TENM3: variants seen among roughly 807,000 people sequenced by gnomAD.
The protein encoded by TENM3 is teneurin-3.
TENM3 carries 63 observed loss-of-function variants against 255.1 expected under a neutral mutation model. The observed-to-expected ratio is 0.25, with a 90% CI of 0.20 to 0.30. TENM3 has a LOEUF of 0.30. TENM3 is among the 10% of genes least tolerant of loss of function. The pLI is 1.00. For missense variants in TENM3, 2,929 were observed against 3,461.1 expected (o/e 0.85, Z 3.86); for synonymous variants, 1,306 against 1,322.3 (o/e 0.99, Z 0.27).
intron 1 of TENM3, among the ~76,000 whole-genome samples, chr4:182,190,730 A>G (rs1211841986): frequency 6.6e-6 from 1 of 152,160 alleles, no homozygotes; most frequent in Non-Finnish European, 1.5e-5. Context: ...ATTAAGGGCA[A>G]TTTATGATCA....
rs576148530 is a variant in TENM3, at chr4:182,215,682, C to T, written c.-76+70928C>T. Among the ~76,000 whole-genome samples the T allele has an allele frequency of 2.6e-4, 40 of 152,300 alleles. No individual in the cohort carries two copies. In the South Asian group the frequency reaches 8.3e-3, roughly 32 times the overall value. ...CCTAAGGTACAAATGTGGCAACAGG[C>T]TTTTCCTTAAATTCCTGGGGATATT... On this transcript the variant is annotated intron_variant, in intron 1 of 2. Coordinates refer to the TENM3 transcript ENST00000512480.
At chr4:181,487,187 T>A in the TENM3 span, among the ~76,000 whole-genome samples, 1 of 152,042 alleles carries the variant, frequency 6.6e-6, no homozygotes, top group Admixed American at 6.6e-5. Context: ...ATAGAGGGGG[T>A]GTAGCAGAAA....
chr4:182,137,343 CA>C, the TENM3 span, among the ~76,000 whole-genome samples: 2,849 of 144,638 alleles, frequency 0.02, 39 homozygotes, highest in Non-Finnish European at 0.029. Context: ...TCCCCCCCCC[CA>C]AAAAGGAATG....
chr4:181,631,286 GT>G, the TENM3 span, among the ~76,000 whole-genome samples: 1 of 150,142 alleles, frequency 6.7e-6, no homozygotes, highest in African/African-American at 2.5e-5. Flanking sequence ...GAAGGACCCA[GT>G]TCTTTTTTGT....
chr4:182,636,293 A>G (rs1459026672), intron 5 of TENM3, among the ~76,000 whole-genome samples: 1 of 152,202 alleles, frequency 6.6e-6, no homozygotes, highest in Non-Finnish European at 1.5e-5. Context: ...GGAATCCTTA[A>G]GGACATATTT....
intron 4 of TENM3, among the ~76,000 whole-genome samples, chr4:182,609,748 G>A (rs12509159): frequency 0.2 from 30,534 of 152,100 alleles, 3,672 homozygotes; most frequent in Non-Finnish European, 0.27. Context: ...GTGTAACCTT[G>A]GTCAGGGTAA....
At chr4:182,009,438 G>C in the TENM3 span, among the ~76,000 whole-genome samples, 1 of 151,966 alleles carries the variant, frequency 6.6e-6, no homozygotes, top group African/African-American at 2.4e-5. Context: ...TTATTGGAGA[G>C]CCTGCAGATA....
At chr4:182,269,072 T>A (rs1045091922) in intron 1 of TENM3, among the ~76,000 whole-genome samples, 4 of 151,264 alleles carry the variant, frequency 2.6e-5, no homozygotes, top group Admixed American at 6.6e-5. Flanking sequence ...CTTTGCTCTT[T>A]AAAAAAAAAT....
At chr4:182,781,518 T>G (rs112024196) in intron 24 of TENM3, among the ~76,000 whole-genome samples, 5 of 151,854 alleles carry the variant, frequency 3.3e-5, no homozygotes, top group East Asian at 1.9e-4. Flanking sequence ...CTAAAATTCT[T>G]TTTTGTTGTG....
At chr4:182,470,444 C>T (rs1444952794) in intron 3 of TENM3, among the ~76,000 whole-genome samples, 4 of 152,322 alleles carry the variant, frequency 2.6e-5, no homozygotes, top group Admixed American at 6.5e-5. Context: ...GCCAAGAACA[C>T]AGCTCCTTTG....
At chr4:181,821,942 TC>T in the TENM3 span, among the ~76,000 whole-genome samples, 1 of 152,206 alleles carries the variant, frequency 6.6e-6, no homozygotes, top group Admixed American at 6.5e-5. Flanking sequence ...TTGTTTTGGG[TC>T]GAAATGATTT....
chr4:181,849,766 T>A, the TENM3 span, among the ~76,000 whole-genome samples: 4 of 152,156 alleles, frequency 2.6e-5, no homozygotes, highest in African/African-American at 9.7e-5. Flanking sequence ...ATACCCATTA[T>A]GATCTGCTGA....
chr4:182,346,897 C>G lies in TENM3; in HGVS notation c.479C>G (p.Thr160Arg). 1.2e-6 allele frequency: 2 copies of G among 1,611,594 alleles called. No homozygotes were observed. The highest frequency in any genetic ancestry group is 2.2e-5 in the East Asian group (1 of 44,796). Residue 160 changes from threonine (T) to arginine (R), a missense_variant, in exon 3 of 28, where the codon ACG becomes AGG. Physicochemically the swap from Thr to Arg is moderately conservative, Grantham distance 71. This residue lies in a region of TENM3 where 283 missense variants were observed against 256.9 expected (regional missense o/e 1.10). Coordinates refer to ENST00000511685, the MANE Select transcript of TENM3 (RefSeq NM_001080477.4). ...AACTCAGCCCTCACCCTGACAGATA[C>G]GGAGCACGAAAACAAGTCCGACAGT... The part of the protein sequence containing the change: ...RSNSALTLTD[T>R]EHENKSDSEN...
At chr4:182,278,864 G>A (rs1347676464) in intron 1 of TENM3, among the ~76,000 whole-genome samples, 1 of 152,214 alleles carries the variant, frequency 6.6e-6, no homozygotes, top group African/African-American at 2.4e-5. Context: ...AAAACCCTAT[G>A]TCATGCGCTG....
chr4:182,022,585 A>ATT, the TENM3 span, among the ~76,000 whole-genome samples: 1 of 152,110 alleles, frequency 6.6e-6, no homozygotes, highest in East Asian at 1.9e-4. Flanking sequence ...CTTGGTAAAC[A>ATT]CCTAAGTCTA....
chr4:181,650,152 T>A, the TENM3 span, among the ~76,000 whole-genome samples: 899 of 152,314 alleles, frequency 5.9e-3, 12 homozygotes, highest in African/African-American at 0.02. Flanking sequence ...AACTGGCGTA[T>A]CACTCTGGCT....
rs1580305034 is a variant in TENM3, at chr4:182,364,322, C to G, written c.511+17393C>G. Among the ~76,000 whole-genome samples the G allele has an allele frequency of 2.6e-5, 4 of 152,188 alleles. No individual in the cohort carries two copies. The South Asian group carries it at 8.3e-4, about 32-fold the overall frequency. On this transcript the variant is annotated intron_variant, in intron 3 of 27. Transcript: ENST00000511685. ...GCAGATGGATAATAAACACTAGTTT[C>G]TCTTTTAGGATTTACACTTTTATTC...
chr4:181,647,453 T>A, the TENM3 span, among the ~76,000 whole-genome samples: 1 of 151,954 alleles, frequency 6.6e-6, no homozygotes, highest in Non-Finnish European at 1.5e-5. Flanking sequence ...TTAGACCATA[T>A]TAATTAAGAA....
intron 7 of TENM3, among the ~76,000 whole-genome samples, chr4:182,674,544 TTTTG>T (rs745603073): frequency 2.0e-5 from 3 of 152,146 alleles, no homozygotes; most frequent in Non-Finnish European, 2.9e-5. Flanking sequence ...AATTTTATAT[TTTTG>T]TTTGTTTGTT....
Sources: gnomAD v4.1 joint callset for allele counts (sites outside exome capture counted in the v4.1 genomes callset) on GRCh38, gnomAD v4.1.1 for gene constraint, gnomAD v4.1.1 regional missense constraint, MANE v1.5 for transcripts, NCBI Gene and HGNC (gene_info 2026-07-23, HGNC 2026-07-21) for gene names.